The following RNF145 variants were observed in gnomAD, a reference collection of about 807,000 sequenced individuals.
The protein encoded by RNF145 is ring finger protein 145.
In RNF145, 12 loss-of-function variants were observed where a neutral mutation model predicts 57.3. The observed-to-expected ratio is 0.21, with a 90% CI of 0.13 to 0.34. RNF145 has a LOEUF of 0.34. RNF145 is among the 10% of genes least tolerant of loss of function. The pLI is 1.00. For synonymous variants in RNF145, 262 were observed against 288.3 expected, an observed-to-expected ratio of 0.91 and a Z score of 0.92; for missense variants, 429 against 799.0, an observed-to-expected ratio of 0.54 and a Z score of 5.58.
intron 10 of RNF145, among the ~76,000 whole-genome samples, chr5:159,160,684 T>C (rs1470469162): frequency 6.6e-6 from 1 of 152,206 alleles, no homozygotes; most frequent in Non-Finnish European, 1.5e-5. Flanking sequence ...TAGAAGACAA[T>C]CATCAGGCTC....
At chr5:159,159,657 A>G (rs1456915483) in intron 10 of RNF145, among the ~76,000 whole-genome samples, 1 of 152,220 alleles carries the variant, frequency 6.6e-6, no homozygotes, top group African/African-American at 2.4e-5. Context: ...GAAGTGGGAT[A>G]TGTAACGATG....
chr5:159,208,239 G>A, intron 1 of RNF145: 1 of 1,032,700 alleles, frequency 9.7e-7, no homozygotes, highest in Non-Finnish European at 1.3e-6. Flanking sequence ...CGCCGCCGCC[G>A]CGGGGCTAAG....
chr5:159,207,247 T>C (rs887147878), intron 1 of RNF145, among the ~76,000 whole-genome samples: 2 of 152,184 alleles, frequency 1.3e-5, no homozygotes, highest in African/African-American at 4.8e-5. Context: ...AAGAAAAATG[T>C]AGGTTTTTAC....
intron 4 of RNF145, among the ~76,000 whole-genome samples, chr5:159,177,427 G>C (rs1183945601): frequency 8.6e-5 from 13 of 152,032 alleles, no homozygotes; most frequent in Admixed American, 6.6e-5. Flanking sequence ...GATTACGCAT[G>C]ATCATTACAT....
At chr5:159,183,194 A>G (rs1293205588) in intron 3 of RNF145, among the ~76,000 whole-genome samples, 1 of 152,210 alleles carries the variant, frequency 6.6e-6, no homozygotes, top group Non-Finnish European at 1.5e-5. Context: ...GGTTTCTAAC[A>G]CATAATGTAT....
chr5:159,158,503 G>A lies in RNF145; in HGVS notation c.*167C>T. ...GCAAAATTTCTCCCACAATGTCAGG[G>A]GATGAAAGCAGGTGGTCCCCACTGA... is the stretch of plus-strand genomic sequence containing the variant. On this transcript the variant is annotated 3_prime_UTR_variant, in exon 11 of 11. Coordinates refer to ENST00000424310, the MANE Select transcript of RNF145 (RefSeq NM_001199383.2). The A allele has an allele frequency of 1.3e-6, 1 of 777,842 alleles. No homozygotes were observed. Among genetic ancestry groups the A allele is most frequent in the Admixed American group, 2.7e-5 (1 of 36,830 alleles). 48.2% of individuals were successfully genotyped at this position (777,842 alleles called of 1,614,324 possible).
intron 6 of RNF145, 37 bp downstream of exon 6, chr5:159,173,945 TA>T: frequency 7.3e-7 from 1 of 1,366,550 alleles, no homozygotes; most frequent in Non-Finnish European, 9.7e-7. Flanking sequence ...TTTCTCTTTC[TA>T]AGGTTATATA....
At chr5:159,197,850 G>A (rs145731819) in intron 2 of RNF145, among the ~76,000 whole-genome samples, 79 of 152,228 alleles carry the variant, frequency 5.2e-4, no homozygotes, top group African/African-American at 1.8e-3. Flanking sequence ...CCAGCTACTC[G>A]GGAGGCTGGG....
intron 2 of RNF145, among the ~76,000 whole-genome samples, chr5:159,199,121 C>T (rs1785574858): frequency 6.6e-6 from 1 of 152,120 alleles, no homozygotes; most frequent in African/African-American, 2.4e-5. Context: ...CATATGGACC[C>T]TTAGAATGCA....
chr5:159,172,406 G>T (rs577295398), intron 6 of RNF145, among the ~76,000 whole-genome samples: 10 of 152,120 alleles, frequency 6.6e-5, no homozygotes, highest in Admixed American at 4.6e-4. Context: ...GCTGGAACCT[G>T]GGAGGCGGAG....
upstream of RNF145, chr5:159,209,740 G>A (rs1786048616): frequency 8.6e-7 from 1 of 1,165,256 alleles, no homozygotes; most frequent in African/African-American, 1.5e-5. Context: ...GGTGGCTATG[G>A]AGAGGCGTAC....
At chr5:159,182,904 A>G (rs1213534525) in intron 3 of RNF145, among the ~76,000 whole-genome samples, 1 of 152,138 alleles carries the variant, frequency 6.6e-6, no homozygotes, top group African/African-American at 2.4e-5. Flanking sequence ...TTGTATTTAA[A>G]AGAGAACATT....
chr5:159,174,214 A>G (rs1486879233), intron 5 of RNF145, 56 bp from the exon 6 acceptor site: 1 of 1,206,068 alleles, frequency 8.3e-7, no homozygotes, highest in Non-Finnish European at 1.2e-6. Flanking sequence ...TAAACACTTT[A>G]AACACTTGAG....
At chr5:159,177,391 A>C (rs1016311947) in intron 4 of RNF145, among the ~76,000 whole-genome samples, 1 of 152,080 alleles carries the variant, frequency 6.6e-6, no homozygotes, top group Non-Finnish European at 1.5e-5. Flanking sequence ...TTAAAACTAA[A>C]AACTAAATAA....
chr5:159,170,152 T>C (rs1784500513), intron 6 of RNF145, among the ~76,000 whole-genome samples: 1 of 152,212 alleles, frequency 6.6e-6, no homozygotes, highest in Non-Finnish European at 1.5e-5. Flanking sequence ...CAAAAGAAGC[T>C]TGTACAGTTG....
chr5:159,181,974 G>A lies in RNF145; in HGVS notation c.371C>T (p.Thr124Ile), dbSNP rs1784909838. 7.5e-6 allele frequency: 12 copies of A among 1,599,404 alleles called. No homozygotes were observed. The highest frequency in any genetic ancestry group is 6.9e-6 in the Non-Finnish European group (8 of 1,167,762). Residue 124 changes from threonine (T) to isoleucine (I), a missense_variant, in exon 4 of 11, where the codon ACC (threonine) becomes ATC (isoleucine). Physicochemically the swap from Thr to Ile is moderately conservative, Grantham distance 89. Coordinates refer to ENST00000424310, the MANE Select transcript of RNF145 (RefSeq NM_001199383.2). ...ATAATACTTACCTATTAAGGCTGTG[G>A]TAAACCGATTCATAGAGAGAGGTTC... ...YLEPLSMNRF[T>I]TALIGQLVVC...
chr5:159,209,547 G>T lies in RNF145; in HGVS notation c.-356C>A. On this transcript the variant is annotated 5_prime_UTR_variant, in exon 1 of 11. Coordinates refer to ENST00000424310, the MANE Select transcript of RNF145 (RefSeq NM_001199383.2). ...TGCGTTTGCTCCTCCCGCCCCCGGC[G>T]CTCTGCGGCGGCCGCGGCCCGACTT... is the stretch of plus-strand genomic sequence containing the variant. 1 of 983,476 alleles carries T rather than the reference G, an allele frequency of 1.0e-6. No individual in the cohort carries two copies. Among genetic ancestry groups the T allele is most frequent in the South Asian group, 4.6e-5 (1 of 21,970 alleles). The allele number at this position is 983,476 out of a possible 1,614,324, so 60.9% of individuals were successfully genotyped here. A position where few individuals can be genotyped will look rare whatever the true frequency, so the allele number is the denominator to read the frequency against.
At chr5:159,173,955 T>C in intron 6 of RNF145, 28 bp downstream of exon 6, 2 of 1,533,854 alleles carry the variant, frequency 1.3e-6, no homozygotes, top group South Asian at 2.5e-5. Context: ...TAAGGTTATA[T>C]ATAGTATCAT....
chr5:159,208,907 G>A (rs1167409777), intron 1 of RNF145, among the ~76,000 whole-genome samples: 1 of 146,246 alleles, frequency 6.8e-6, no homozygotes, highest in Admixed American at 6.8e-5. Flanking sequence ...AAGAGGAAGG[G>A]ATGGGAGGGC....
Sources: allele counts gnomAD v4.1 joint callset (sites outside exome capture counted in the v4.1 genomes callset), GRCh38; gene constraint gnomAD v4.1.1; transcripts MANE v1.5; gene names NCBI Gene and HGNC (gene_info 2026-07-23, HGNC 2026-07-21).